The following SDK1 variants were observed in gnomAD, a reference collection of about 807,000 sequenced individuals.
SDK1 encodes the protein sidekick cell adhesion molecule 1.
A neutral mutation model predicts 245.5 loss-of-function variants in SDK1; 157 were observed. That is an observed-to-expected ratio of 0.64 (90% CI 0.56 to 0.73). The LOEUF (loss-of-function observed/expected upper bound fraction) is 0.73. SDK1 is among the 30% of genes least tolerant of loss of function. The pLI is 0.00. For missense variants in SDK1, 3,583 were observed against 3,002.3 expected (o/e 1.19, Z -4.52); for synonymous variants, 1,647 against 1,278.5 (o/e 1.29, Z -6.15).
chr7:3,351,588 G>A (rs529902125), intron 1 of SDK1, among the ~76,000 whole-genome samples: 7 of 152,176 alleles, frequency 4.6e-5, no homozygotes, highest in Non-Finnish European at 1.0e-4. Flanking sequence ...CAAAATAATG[G>A]AAAATTTTAT....
chr7:3,527,002 T>C (rs1424398943), intron 1 of SDK1, among the ~76,000 whole-genome samples: 1 of 152,174 alleles, frequency 6.6e-6, no homozygotes, highest in Non-Finnish European at 1.5e-5. Context: ...CAGTGTGATA[T>C]AATTATATAA....
chr7:3,863,841 G>C (rs923666734), intron 5 of SDK1, among the ~76,000 whole-genome samples: 5 of 152,278 alleles, frequency 3.3e-5, no homozygotes, highest in African/African-American at 1.2e-4. Context: ...TTCCCTGACG[G>C]GCGCTTGGGT....
In SDK1 at chr7:4,145,751, A is replaced by C. The variant is rs1779924043; in HGVS notation, c.4258A>C (p.Ser1420Arg). The C allele has an allele frequency of 1.2e-6, 2 of 1,611,152 alleles. No individual in the cohort carries two copies. Among genetic ancestry groups the C allele is most frequent in the African/African-American group, 2.7e-5 (2 of 74,784 alleles). ...CCAGATTGCCTACCGCCTGGCCAGC[A>C]GCAGCCCCCACACCTTCACCACCGT... ...GYQIAYRLASSSPHTFTTVEV... is the reference protein window; with the variant it reads ...GYQIAYRLASRSPHTFTTVEV... The change falls in exon 29 of 45, where the codon AGC (serine) becomes CGC (arginine). Residue 1420 changes from serine to arginine, a missense_variant. Transcript: ENST00000404826.
At chr7:3,900,287 C>G (rs934139797) in intron 5 of SDK1, among the ~76,000 whole-genome samples, 4 of 152,198 alleles carry the variant, frequency 2.6e-5, no homozygotes, top group African/African-American at 4.8e-5. Flanking sequence ...ATATTTAACA[C>G]GCGTAATTGA....
intron 1 of SDK1, among the ~76,000 whole-genome samples, chr7:3,477,722 C>G (rs4722853): frequency 0.38 from 57,866 of 151,672 alleles, 12,299 homozygotes; most frequent in East Asian, 0.51. Context: ...CTATGTTGTT[C>G]AGGCTTGTCC....
At chr7:3,406,104 C>T (rs769068641) in intron 1 of SDK1, among the ~76,000 whole-genome samples, 6 of 152,068 alleles carry the variant, frequency 3.9e-5, no homozygotes, top group Non-Finnish European at 8.8e-5. Context: ...TGAGCCACCG[C>T]TCCTCGTCTG....
intron 1 of SDK1, among the ~76,000 whole-genome samples, chr7:3,538,000 A>C (rs1227658715): frequency 6.6e-6 from 1 of 152,184 alleles, no homozygotes; most frequent in African/African-American, 2.4e-5. Context: ...GGGGAAAGGG[A>C]TCCAGGCACT....
intron 14 of SDK1, among the ~76,000 whole-genome samples, chr7:3,995,468 G>A (rs1411101559): frequency 6.6e-6 from 1 of 152,098 alleles, no homozygotes; most frequent in East Asian, 1.9e-4. Context: ...CCTCCCCTGG[G>A]GGCGCTGACC....
intron 1 of SDK1, among the ~76,000 whole-genome samples, chr7:3,524,558 A>G (rs1408403343): frequency 1.3e-5 from 2 of 152,164 alleles, no homozygotes; most frequent in Non-Finnish European, 2.9e-5. Flanking sequence ...GCTCATGTAC[A>G]CTTGTACATG....
rs71029672 is a variant in SDK1 at position 3,435,321 on chromosome 7, C to CTTTTTTTTTTTTTTTTTTTTTTTT, written c.298+133441_298+133464dup. Among the ~76,000 whole-genome samples, 4 of 56,898 alleles carry CTTTTTTTTTTTTTTTTTTTTTTTT rather than the reference C, an allele frequency of 7.0e-5. 1 individual carries two copies. Among genetic ancestry groups the CTTTTTTTTTTTTTTTTTTTTTTTT allele is most frequent in the African/African-American group, 1.8e-4 (2 of 10,994 alleles). 37.3% of individuals were successfully genotyped at this position (56,898 alleles called of 152,430 possible). ...ATACTTGACTTATGAAGGGGACTGC[C>CTTTTTTTTTTTTTTTTTTTTTTTT]TTTTTTTTTTTTTTTTTTTTTTTTT... On this transcript the variant is annotated intron_variant, in intron 1 of 44. Transcript: ENST00000404826.
intron 1 of SDK1, among the ~76,000 whole-genome samples, chr7:3,540,648 A>G (rs1779029059): frequency 6.6e-6 from 1 of 152,204 alleles, no homozygotes; most frequent in South Asian, 2.1e-4. Flanking sequence ...GGGAGAATGC[A>G]CATTCACATG....
intron 1 of SDK1, among the ~76,000 whole-genome samples, chr7:3,372,988 C>G (rs1253948442): frequency 2.0e-5 from 3 of 152,094 alleles, no homozygotes; most frequent in African/African-American, 7.2e-5. Context: ...AACTAAAATC[C>G]AGTGGTTAAT....
chr7:4,222,136 C>A (rs993329314), intron 40 of SDK1, among the ~76,000 whole-genome samples: 1 of 152,148 alleles, frequency 6.6e-6, no homozygotes, highest in African/African-American at 2.4e-5. Context: ...GGCAGGACCA[C>A]GGTGCTAGGA....
intron 4 of SDK1, among the ~76,000 whole-genome samples, chr7:3,790,361 T>C: frequency 6.6e-6 from 1 of 152,084 alleles, no homozygotes; most frequent in Non-Finnish European, 1.5e-5. Context: ...CAGTCTCCTG[T>C]GGCTGCTCAA....
chr7:3,441,198 A>G (rs1562488175), intron 1 of SDK1, among the ~76,000 whole-genome samples: 1 of 152,162 alleles, frequency 6.6e-6, no homozygotes, highest in Non-Finnish European at 1.5e-5. Context: ...ATTACTAGTT[A>G]TTGTTAATAT....
chr7:3,727,816 G>T (rs926235065), intron 4 of SDK1, among the ~76,000 whole-genome samples: 1 of 152,006 alleles, frequency 6.6e-6, no homozygotes, highest in Non-Finnish European at 1.5e-5. Context: ...GAGTCACCAG[G>T]AATAAAATAT....
chr7:3,744,304 A>G lies in SDK1; in HGVS notation c.714-77146A>G, dbSNP rs1054768224. On this transcript the variant is annotated intron_variant, in intron 4 of 44. Transcript: ENST00000404826. Reference sequence around the variant, plus strand: ...TTTGACTTTCTGCATAGCACGTATCACTACCTTTCTTTCCATATATACATT... The same window carrying G: ...TTTGACTTTCTGCATAGCACGTATCGCTACCTTTCTTTCCATATATACATT... Among the ~76,000 whole-genome samples, 7 of 152,128 alleles carry G rather than the reference A, an allele frequency of 4.6e-5. No homozygotes were observed. In the South Asian group the frequency reaches 1.0e-3, roughly 23 times the overall value.
At chr7:3,822,064 C>T (rs916164105) in intron 5 of SDK1, among the ~76,000 whole-genome samples, 1 of 152,150 alleles carries the variant, frequency 6.6e-6, no homozygotes, top group Non-Finnish European at 1.5e-5. Flanking sequence ...TAACTGAAAG[C>T]CTGATTCTTG....
intron 5 of SDK1, among the ~76,000 whole-genome samples, chr7:3,887,880 C>A (rs929680521): frequency 6.6e-6 from 1 of 152,274 alleles, no homozygotes; most frequent in East Asian, 1.9e-4. Flanking sequence ...GCCTTAGCAA[C>A]TGACGTAAGA....
Sources: gnomAD v4.1 joint callset for allele counts (sites outside exome capture counted in the v4.1 genomes callset) on GRCh38, gnomAD v4.1.1 for gene constraint, MANE v1.5 for transcripts, NCBI Gene and HGNC (gene_info 2026-07-23, HGNC 2026-07-21) for gene names.